AP1S3: variants seen among roughly 807,000 people sequenced by gnomAD.
AP1S3 encodes the protein AP-1 complex subunit sigma-3.
AP1S3 carries 10 observed loss-of-function variants against 20.9 expected under a neutral mutation model. That is an observed-to-expected ratio of 0.48 (90% CI 0.29 to 0.81). The LOEUF (loss-of-function observed/expected upper bound fraction) is 0.81, where lower values mean the gene tolerates loss of function less well. AP1S3 is among the 30% of genes least tolerant of loss of function. The probability of loss-of-function intolerance (pLI) is 0.08; values close to 1 mark genes in which losing one functional copy is unlikely to be tolerated. For synonymous variants in AP1S3, 41 were observed against 61.5 expected, an observed-to-expected ratio of 0.67 and a Z score of 1.56; for missense variants, 154 against 183.8, an observed-to-expected ratio of 0.84 and a Z score of 0.94.
intron 1 of AP1S3, among the ~76,000 whole-genome samples, chr2:223,791,028 G>A (rs1290223966): frequency 2.6e-5 from 4 of 152,154 alleles, no homozygotes; most frequent in African/African-American, 7.2e-5. Flanking sequence ...AGTTGAGACA[G>A]TAACAAACAA....
rs138525469 is a variant in AP1S3, at chr2:223,797,619, G to A, written c.4-19750C>T. On this transcript the variant is annotated intron_variant, in intron 1 of 4. Transcript: ENST00000396654. ...TCTACTAAAAATACAAAAATTAGCC[G>A]GCCATGGTTATAGGCAGGTGCCTAC... is the stretch of plus-strand genomic sequence containing the variant. 4.7e-3 allele frequency among the ~76,000 whole-genome samples: 718 copies of A among 151,970 alleles called. 2 individuals carry two copies. The highest frequency in any genetic ancestry group is 7.1e-3 in the Non-Finnish European group (484 of 67,950).
intron 4 of AP1S3, among the ~76,000 whole-genome samples, chr2:223,759,780 C>T (rs1470913287): frequency 1.3e-5 from 2 of 152,120 alleles, no homozygotes; most frequent in Non-Finnish European, 2.9e-5. Flanking sequence ...ACCCTCCACC[C>T]TCTGAAAGGC....
chr2:223,835,819 C>A (rs1330446745), intron 1 of AP1S3, among the ~76,000 whole-genome samples: 1 of 152,150 alleles, frequency 6.6e-6, no homozygotes, highest in Non-Finnish European at 1.5e-5. Context: ...TCCTTATAGA[C>A]CAAACCTTGG....
intron 1 of AP1S3, among the ~76,000 whole-genome samples, chr2:223,836,370 C>T (rs903258531): frequency 2.6e-5 from 4 of 152,204 alleles, no homozygotes; most frequent in African/African-American, 9.6e-5. Flanking sequence ...AGCAGGGCTG[C>T]GGCCGGCCTC....
chr2:223,758,120 G>T lies in AP1S3; in HGVS notation c.*595C>A. 1 of 978,450 alleles carries T rather than the reference G, an allele frequency of 1.0e-6. No homozygotes were observed. Among genetic ancestry groups the T allele is most frequent in the Non-Finnish European group, 1.2e-6 (1 of 826,160 alleles). The allele number at this position is 978,450 out of a possible 1,614,324, so 60.6% of individuals were successfully genotyped here. A position where few individuals can be genotyped will look rare whatever the true frequency, so the allele number is the denominator to read the frequency against. ...ACACTTATTAAGTTCTATACTCTTT[G>T]GTTATTTTCATAATCCCAATTCTAA... On this transcript the variant is annotated 3_prime_UTR_variant, in exon 5 of 5. Transcript: ENST00000396654.
chr2:223,817,700 C>T (rs151318560), intron 1 of AP1S3, among the ~76,000 whole-genome samples: 17 of 151,864 alleles, frequency 1.1e-4, no homozygotes, highest in African/African-American at 2.2e-4. Flanking sequence ...TCTGAGTATC[C>T]GCTGTTGATT....
intron 3 of AP1S3, among the ~76,000 whole-genome samples, chr2:223,769,780 G>C (rs1690567183): frequency 8.9e-6 from 1 of 112,456 alleles, no homozygotes; most frequent in African/African-American, 3.5e-5. Flanking sequence ...GAGTCTCCCT[G>C]TCGCCCAGGC....
At chr2:223,833,552 A>G (rs1692326193) in intron 1 of AP1S3, among the ~76,000 whole-genome samples, 1 of 152,088 alleles carries the variant, frequency 6.6e-6, no homozygotes, top group African/African-American at 2.4e-5. Context: ...ATCAAGAACC[A>G]TTTTCTGTGT....
At chr2:223,776,902 T>G (rs1690796803) in intron 2 of AP1S3, among the ~76,000 whole-genome samples, 1 of 152,166 alleles carries the variant, frequency 6.6e-6, no homozygotes, top group East Asian at 1.9e-4. Flanking sequence ...AATGTACTCA[T>G]TACAAATTCA....
At chr2:223,821,861 C>G (rs527909719) in intron 1 of AP1S3, among the ~76,000 whole-genome samples, 1 of 152,148 alleles carries the variant, frequency 6.6e-6, no homozygotes, top group Non-Finnish European at 1.5e-5. Context: ...TTATTATTTT[C>G]TTGTAGCCAA....
chr2:223,783,065 A>AAT (rs983383941), intron 1 of AP1S3, among the ~76,000 whole-genome samples: 1 of 152,222 alleles, frequency 6.6e-6, no homozygotes, highest in Non-Finnish European at 1.5e-5. Context: ...AGACTTTTTC[A>AAT]ATATTTGCCA....
intron 1 of AP1S3, among the ~76,000 whole-genome samples, chr2:223,783,775 C>G (rs1343859980): frequency 6.6e-6 from 1 of 152,210 alleles, no homozygotes; most frequent in Non-Finnish European, 1.5e-5. Context: ...TTGTCACATT[C>G]CAAACACCAG....
rs1398948499 is a variant in AP1S3, at chr2:223,756,075, A to G, written c.*2640T>C. The G allele has an allele frequency of 1.0e-6, 1 of 984,602 alleles. No individual in the cohort carries two copies. Among genetic ancestry groups the G allele is most frequent in the Admixed American group, 6.1e-5 (1 of 16,266 alleles). The allele number at this position is 984,602 out of a possible 1,614,324, so 61.0% of individuals were successfully genotyped here. A position where few individuals can be genotyped will look rare whatever the true frequency, so the allele number is the denominator to read the frequency against. On this transcript the variant is annotated 3_prime_UTR_variant, in exon 5 of 5. Transcript: ENST00000396654. ...AGAATTTGGCCGGGTGCAGCGGCTC[A>G]TGCCTGTAATTCCAGCACTTTGGAA...
intron 1 of AP1S3, among the ~76,000 whole-genome samples, chr2:223,797,023 A>C (rs930577556): frequency 1.3e-5 from 2 of 152,092 alleles, no homozygotes; most frequent in African/African-American, 4.8e-5. Context: ...TTGAGTTTTC[A>C]CCTTCCCTGC....
chr2:223,780,445 C>T (rs1038760948), intron 1 of AP1S3, among the ~76,000 whole-genome samples: 3 of 148,086 alleles, frequency 2.0e-5, no homozygotes, highest in Non-Finnish European at 3.0e-5. Flanking sequence ...GTCTCAAACT[C>T]AAGCCTACAG....
chr2:223,812,202 C>T (rs892719165), intron 1 of AP1S3, among the ~76,000 whole-genome samples: 2 of 151,980 alleles, frequency 1.3e-5, no homozygotes, highest in Admixed American at 1.3e-4. Flanking sequence ...GGCATGTAAG[C>T]CTTTTTGTTT....
chr2:223,810,970 G>A (rs1363013890), intron 1 of AP1S3, among the ~76,000 whole-genome samples: 1 of 151,372 alleles, frequency 6.6e-6, no homozygotes, highest in African/African-American at 2.4e-5. Context: ...AAAATTTTTT[G>A]TGATAAAATA....
At chr2:223,780,357 A>AGAGAGTGTGT (rs1559280905) in intron 1 of AP1S3, among the ~76,000 whole-genome samples, 1 of 44,448 alleles carries the variant, frequency 2.2e-5, no homozygotes, top group African/African-American at 1.1e-4. Context: ...AGAGAGAGAG[A>AGAGAGTGTGT]GTGTGTGTGT....
In AP1S3 at chr2:223,837,452, G is replaced by A; in HGVS notation, c.-2C>T. 2 of 1,274,792 alleles carry A rather than the reference G, an allele frequency of 1.6e-6. No homozygotes were observed. Among genetic ancestry groups the A allele is most frequent in the South Asian group, 2.8e-5 (1 of 36,078 alleles). The allele number at this position is 1,274,792 out of a possible 1,614,324, so 79.0% of individuals were successfully genotyped here. On this transcript the variant is annotated 5_prime_UTR_variant, in exon 1 of 5. It adds an upstream start codon to the 5' untranslated region. Coordinates refer to ENST00000396654, the MANE Select transcript of AP1S3 (RefSeq NM_001039569.2). ...CGGCGGTTCCCCCGCACTCACCATC[G>A]TGGCTGGGCCGCCGCCTCCCCCGCC...
Sources: allele counts gnomAD v4.1 joint callset (sites outside exome capture counted in the v4.1 genomes callset), GRCh38; gene constraint gnomAD v4.1.1; transcripts MANE v1.5; gene names NCBI Gene and HGNC (gene_info 2026-07-23, HGNC 2026-07-21).